Variants in PLIN4 observed in about 807,000 individuals in gnomAD.
PLIN4 encodes the protein perilipin 4.
Under a neutral mutation model 52.4 loss-of-function variants are expected in PLIN4, and 57 were observed. The ratio of observed to expected loss-of-function variants is 1.09; its 90% CI spans 0.88 to 1.36. The LOEUF (loss-of-function observed/expected upper bound fraction) is 1.36, where lower values mean the gene tolerates loss of function less well. Ranked by LOEUF, PLIN4 falls within the 40% of genes most tolerant of loss-of-function variation. The pLI is 0.00. For synonymous variants in PLIN4, 826 were observed against 785.4 expected, an observed-to-expected ratio of 1.05 and a Z score of -0.86; for missense variants, 1,757 against 1,770.3, an observed-to-expected ratio of 0.99 and a Z score of 0.13.
chr19:4,506,033 G>A (rs975205946), intron 6 of PLIN4, among the ~76,000 whole-genome samples: 1 of 152,120 alleles, frequency 6.6e-6, no homozygotes, highest in Non-Finnish European at 1.5e-5. Context: ...CGTGACTCCT[G>A]AGGCCCGGCA....
rs367966931 is a variant in PLIN4, at chr19:4,511,402, G to A, written c.2558C>T (p.Thr853Met). Residue 853 changes from threonine to methionine, a missense_variant, in exon 5 of 8, where the codon ACG becomes ATG. Coordinates refer to ENST00000301286, the MANE Select transcript of PLIN4 (RefSeq NM_001367868.2). ...TGTACCTGTTGCGATATTTTGGGTC[G>A]TTTTCAGCCCAGTTTGCACAGCACC... is the stretch of plus-strand genomic sequence containing the variant. ...AKGAVQTGLK[T>M]TQNIATGTKN... The A allele has an allele frequency of 6.4e-5, 99 of 1,541,474 alleles. 10 individuals are homozygous for A. Among genetic ancestry groups the A allele is most frequent in the African/African-American group, 6.2e-4 (41 of 66,022 alleles).
chr19:4,508,997 G>A (rs775062898), intron 5 of PLIN4, 42 bp from the exon 6 acceptor site: 41 of 1,551,848 alleles, frequency 2.6e-5, no homozygotes, highest in Non-Finnish European at 3.6e-5. Context: ...AAGCCCCTCA[G>A]GGCATCAGGG....
rs116804439 is a variant in PLIN4, at chr19:4,515,710, G to A, written c.258+907C>T. Among the ~76,000 whole-genome samples, 1,310 of 152,260 alleles carry A rather than the reference G, an allele frequency of 8.6e-3. 20 individuals carry two copies. The highest frequency in any genetic ancestry group is 0.029 in the African/African-American group (1,208 of 41,530). On this transcript the variant is annotated intron_variant, in intron 4 of 7. Transcript: ENST00000301286. The stretch of plus-strand genomic sequence containing the variant: ...TAGGTGGAGACCAGGGATGCTGCTC[G>A]GCACCCTGCAGTGCCCAGGATGGCC...
At chr19:4,513,742 G>A (rs370853503) in intron 4 of PLIN4, 41 bp from the exon 5 acceptor site, 175 of 1,534,942 alleles carry the variant, frequency 1.1e-4, no homozygotes, top group Non-Finnish European at 1.5e-4. Flanking sequence ...GAAGGACTGA[G>A]AGGTGTACTC....
rs541097670 is a variant in PLIN4, at chr19:4,517,652, C to T, written c.98G>A (p.Arg33Gln). 28 of 1,606,184 alleles carry T rather than the reference C, an allele frequency of 1.7e-5. No individual in the cohort carries two copies. Among genetic ancestry groups the T allele is most frequent in the Middle Eastern group, 3.3e-4 (2 of 6,026 alleles). The change falls in exon 3 of 8, where the codon CGG (arginine) becomes CAG (glutamine). Residue 33 changes from arginine (R) to glutamine (Q), a missense_variant. This residue lies in a region of PLIN4 where 332 missense variants were observed against 310.8 expected (regional missense o/e 1.07). Transcript: ENST00000301286. ...GCTATGTGCGTTGGCCACCAGGTTCCGGGCAGAGCTGAAGCCAGGCAGGGA... is the reference window on the plus strand; with the variant it reads ...GCTATGTGCGTTGGCCACCAGGTTCTGGGCAGAGCTGAAGCCAGGCAGGGA... ...FGSLPGFSSARNLVANAHSSA... is the reference protein window; with the variant it reads ...FGSLPGFSSAQNLVANAHSSA...
Position 4,508,787 on chromosome 19 carries a change from A to G in PLIN4, c.3683T>C (p.Leu1228Pro). 6.3e-7 allele frequency: 1 copy of G among 1,590,444 alleles called. No individual in the cohort carries two copies. The highest frequency in any genetic ancestry group is 1.1e-5 in the South Asian group (1 of 87,530). The change falls in exon 6 of 8, where the codon CTC becomes CCC. Residue 1228 changes from leucine (L) to proline (P), a missense_variant. Leu to Pro is a moderately conservative substitution (Grantham distance 98). Around this residue, in one of 7 missense-constraint regions of PLIN4, gnomAD observed 712 missense variants for 637.1 expected, o/e 1.12. Transcript: ENST00000301286. ...TCTTACCAGCCTGAAGCAGTCCTGG[A>G]GCTGGGCCAGAGTGTCCCTGGCTTG... is the stretch of plus-strand genomic sequence containing the variant. ...QFQARDTLAQ[L>P]QDCFRLIEKA...
At chr19:4,513,872 C>G (rs563724597) in intron 4 of PLIN4, among the ~76,000 whole-genome samples, 171 bp from the exon 5 acceptor site, 8 of 152,338 alleles carry the variant, frequency 5.3e-5, no homozygotes, top group African/African-American at 1.7e-4. Context: ...CCCCGGTCAG[C>G]CAGACATTCA....
chr19:4,504,920 C>T lies in PLIN4; in HGVS notation c.3730G>A (p.Gly1244Arg). The change falls in exon 7 of 8, where the codon GGG becomes AGG. Residue 1244 changes from glycine (G) to arginine (R), a missense_variant. Transcript: ENST00000301286. ...GAGCCCTGGTCCAGACGTGGCTGCC[C>T]TTCTGGAGCCTGCTGGGCCTTTTCA... The part of the protein sequence containing the change: ...LIEKAQQAPE[G>R]QPRLDQGSGA... The T allele has an allele frequency of 6.2e-7, 1 of 1,606,952 alleles. No homozygotes were observed. Among genetic ancestry groups the T allele is most frequent in the Non-Finnish European group, 8.5e-7 (1 of 1,177,568 alleles).
chr19:4,517,205 G>C (rs1976607118), intron 3 of PLIN4, among the ~76,000 whole-genome samples: 1 of 152,140 alleles, frequency 6.6e-6, no homozygotes, highest in African/African-American at 2.4e-5. Context: ...GGGAGCTGTT[G>C]CTCCTCCCTG....
At position 4,508,975 on chromosome 19, in the gene PLIN4, G is replaced by T; in HGVS notation, c.3515-20C>A. 1 of 1,599,278 alleles carries T rather than the reference G, an allele frequency of 6.3e-7. No homozygotes were observed. The highest frequency in any genetic ancestry group is 1.3e-5 in the African/African-American group (1 of 74,868). The stretch of plus-strand genomic sequence containing the variant: ...GCTGAGCTGGAAAGGAAGGCGCACC[G>T]CTCAGTCCCGGAAGCCCCTCAGGGC... On this transcript the variant is annotated intron_variant, in intron 5 of 7. Transcript: ENST00000301286.
At position 4,513,332 on chromosome 19, in the gene PLIN4, T is replaced by C. The variant is rs1401865331; in HGVS notation, c.628A>G (p.Met210Val). 3.1e-6 allele frequency: 5 copies of C among 1,613,500 alleles called. No homozygotes were observed. The highest frequency in any genetic ancestry group is 2.5e-6 in the Non-Finnish European group (3 of 1,179,856). ...GTKDTVTTGV[M>V]GAVNLAKGTV... ...CCTTTGGCCAAGTTCACTGCCCCCA[T>C]GACCCCAGTAGTCACTGTGTCTTTG... The change falls in exon 5 of 8, where the codon ATG becomes GTG. Residue 210 changes from methionine (M) to valine (V), a missense_variant. Coordinates refer to ENST00000301286, the MANE Select transcript of PLIN4 (RefSeq NM_001367868.2).
Position 4,504,731 on chromosome 19 carries a change from T to G in PLIN4, c.3844A>C (p.Thr1282Pro). The change falls in exon 8 of 8, where the codon ACG (threonine) becomes CCG (proline). Residue 1282 changes from threonine to proline, a missense_variant. Physicochemically the swap from Thr to Pro is conservative, Grantham distance 38. Around this residue, in one of 7 missense-constraint regions of PLIN4, gnomAD observed 712 missense variants for 637.1 expected, o/e 1.12. Coordinates refer to ENST00000301286, the MANE Select transcript of PLIN4 (RefSeq NM_001367868.2). Reference sequence around the variant, plus strand: ...CTGGAGACCAGGCCACTGTAGGCCGTGTGCAGCTGCCGGAGAAGGCCGCAG... The same window carrying G: ...CTGGAGACCAGGCCACTGTAGGCCGGGTGCAGCTGCCGGAGAAGGCCGCAG... ...RVCGLLRQLH[T>P]AYSGLVSSLQ... 6.3e-7 allele frequency: 1 copy of G among 1,599,938 alleles called. No homozygotes were observed. Among genetic ancestry groups the G allele is most frequent in the African/African-American group, 1.3e-5 (1 of 74,890 alleles).
In PLIN4 at chr19:4,502,427, C is replaced by T. The variant is rs1187666219; in HGVS notation, c.*2032G>A. ...AGCTCTTCCCAGGAGACAAGAGGGA[C>T]AAACCAGGGCATCTAAGCTGTGCTG... On this transcript the variant is annotated 3_prime_UTR_variant, in exon 8 of 8. Transcript: ENST00000301286. 6.0e-6 allele frequency: 2 copies of T among 335,002 alleles called. No homozygotes were observed. The highest frequency in any genetic ancestry group is 1.1e-5 in the Non-Finnish European group (2 of 177,604). 20.8% of individuals were successfully genotyped at this position (335,002 alleles called of 1,614,324 possible).
At position 4,508,725 on chromosome 19, in the gene PLIN4, G is replaced by T; in HGVS notation, c.3702+43C>A. On this transcript the variant is annotated intron_variant, in intron 6 of 7. Transcript: ENST00000301286. ...GGTGAGTCCTGGGCAGGGGTTCTAA[G>T]AAGTGCCCTGGGGACGGGGCAGCAG... The T allele has an allele frequency of 2.6e-6, 4 of 1,530,436 alleles. No individual in the cohort carries two copies. The South Asian group carries it at 4.9e-5, about 19-fold the overall frequency. 94.8% of individuals were successfully genotyped at this position (1,530,436 alleles called of 1,614,324 possible). A position where few individuals can be genotyped will look rare whatever the true frequency, so the allele number is the denominator to read the frequency against.
rs373064056 is a variant in PLIN4, at chr19:4,504,572, C to T, written c.4003G>A (p.Glu1335Lys). 26 of 1,601,530 alleles carry T rather than the reference C, an allele frequency of 1.6e-5. No homozygotes were observed. In the East Asian group the frequency reaches 2.0e-4, roughly 13 times the overall value. Residue 1335 changes from glutamate to lysine, a missense_variant, in exon 8 of 8, where the codon GAG (glutamate) becomes AAG (lysine). Coordinates refer to ENST00000301286, the MANE Select transcript of PLIN4 (RefSeq NM_001367868.2). The part of the protein sequence containing the change: ...LPAERLVQSR[E>K]GVHQAWQGLE... ...CCCTGCCAAGCCTGGTGCACACCCT[C>T]GCGGCTCTGCACCAGCCGCTCTGCG... is the stretch of plus-strand genomic sequence containing the variant.
rs991257498 is a variant in PLIN4 at position 4,502,532 on chromosome 19, G to A, written c.*1927C>T. 2 of 264,092 alleles carry A rather than the reference G, an allele frequency of 7.6e-6. No individual in the cohort carries two copies. The highest frequency in any genetic ancestry group is 1.5e-5 in the Non-Finnish European group (2 of 137,390). The allele number at this position is 264,092 out of a possible 1,614,324, so 16.4% of individuals were successfully genotyped here. ...GGCAGCCCAGGGTCCAGGCAGGTGAGCAGGTCCGATGTGGGGAGGACGAGG... is the reference window on the plus strand; with the variant it reads ...GGCAGCCCAGGGTCCAGGCAGGTGAACAGGTCCGATGTGGGGAGGACGAGG... On this transcript the variant is annotated 3_prime_UTR_variant, in exon 8 of 8. Transcript: ENST00000301286.
At chr19:4,516,894 C>G (rs1976598989) in intron 3 of PLIN4, among the ~76,000 whole-genome samples, 1 of 152,200 alleles carries the variant, frequency 6.6e-6, no homozygotes, top group South Asian at 2.1e-4. Context: ...GCCGCTGTTC[C>G]CTGAAGTAGG....
chr19:4,511,388 C>A lies in PLIN4; in HGVS notation c.2572G>T (p.Ala858Ser), dbSNP rs200538852. 5.6e-5 allele frequency: 87 copies of A among 1,553,728 alleles called. 10 individuals carry two copies. In the African/African-American group the frequency reaches 1.3e-3, roughly 24 times the overall value. Residue 858 changes from alanine (A) to serine (S), a missense_variant, in exon 5 of 8, where the codon GCA becomes TCA. Physicochemically the swap from Ala to Ser is moderately conservative, Grantham distance 99. Transcript: ENST00000301286. The part of the protein sequence containing the change: ...QTGLKTTQNI[A>S]TGTKNTLGSG... Reference sequence around the variant, plus strand: ...CCAAGGGTGTTCTTTGTACCTGTTGCGATATTTTGGGTCGTTTTCAGCCCA... The same window carrying A: ...CCAAGGGTGTTCTTTGTACCTGTTGAGATATTTTGGGTCGTTTTCAGCCCA...
chr19:4,508,795 CAG>C lies in PLIN4; in HGVS notation c.3673_3674del (p.Leu1225GlyfsTer11). ...QHGQFQARDT[L>X]AQLQDCFRLI... Reference sequence around the variant, plus strand: ...GCCTGAAGCAGTCCTGGAGCTGGGCCAGAGTGTCCCTGGCTTGGAACTGGCCG... The same window carrying C: ...GCCTGAAGCAGTCCTGGAGCTGGGCCAGTGTCCCTGGCTTGGAACTGGCCG... On this transcript the variant is annotated frameshift_variant, in exon 6 of 8. Coordinates refer to ENST00000301286, the MANE Select transcript of PLIN4 (RefSeq NM_001367868.2). LOFTEE classifies it high-confidence loss of function. 1.3e-6 allele frequency: 2 copies of C among 1,594,524 alleles called. No individual in the cohort carries two copies. Among genetic ancestry groups the C allele is most frequent in the Middle Eastern group, 1.7e-4 (1 of 5,944 alleles).
Sources: allele counts gnomAD v4.1 joint callset (sites outside exome capture counted in the v4.1 genomes callset), GRCh38; gene constraint gnomAD v4.1.1; regional missense constraint gnomAD v4.1.1; transcripts MANE v1.5; gene names NCBI Gene and HGNC (gene_info 2026-07-23, HGNC 2026-07-21).